FHDC1: variants seen among roughly 807,000 people sequenced by gnomAD.
FHDC1 encodes the protein FH2 domain-containing protein 1.
In FHDC1, 25 loss-of-function variants were observed where a neutral mutation model predicts 52.6. That is an observed-to-expected ratio of 0.48 (90% CI 0.35 to 0.66). FHDC1 has a LOEUF of 0.66. Among genes scored for constraint, FHDC1 ranks in the 30% least tolerant of loss-of-function variants. The pLI, the probability that FHDC1 is intolerant of heterozygous loss-of-function variation, is 0.01. For missense variants in FHDC1, 1,459 were observed against 1,452.8 expected (o/e 1.00, Z -0.07); for synonymous variants, 616 against 581.5 (o/e 1.06, Z -0.85).
chr4:152,940,177 G>A (rs902510747), intron 1 of FHDC1, among the ~76,000 whole-genome samples: 3 of 152,172 alleles, frequency 2.0e-5, no homozygotes, highest in Non-Finnish European at 4.4e-5. Context: ...GGACATCCTG[G>A]CCCAGGGGGA....
chr4:152,968,216 C>T (rs1207272112), intron 10 of FHDC1, 119 bp downstream of exon 10: 3 of 688,026 alleles, frequency 4.4e-6, no homozygotes, highest in Non-Finnish European at 7.5e-6. Flanking sequence ...TTTTTTTTCT[C>T]CAAGTTAGTC....
chr4:152,970,077 G>A (rs1004085793), intron 10 of FHDC1, among the ~76,000 whole-genome samples: 5 of 152,156 alleles, frequency 3.3e-5, no homozygotes, highest in Admixed American at 6.5e-5. Context: ...GTCAGGGTCA[G>A]GGCACTCAGG....
rs34181980 is a variant in FHDC1, at chr4:152,962,940, GGTGTGTGTGTGTGTGTGTGTGTGT to G, written c.922-64_922-41del. On this transcript the variant is annotated intron_variant, in intron 7 of 11. Transcript: ENST00000511601. ...ATGTTTTCAACCTTGTCTATCTAAA[GGTGTGTGTGTGTGTGTGTGTGTGT>G]GTGTGTGTGTGTGTGTGTATGTATA... 6.4e-6 allele frequency: 6 copies of G among 936,470 alleles called. No individual in the cohort carries two copies. In the East Asian group the frequency reaches 1.5e-4, roughly 24 times the overall value. The allele number at this position is 936,470 out of a possible 1,614,324, so 58.0% of individuals were successfully genotyped here. A position where few individuals can be genotyped will look rare whatever the true frequency, so the allele number is the denominator to read the frequency against.
the FHDC1 span, among the ~76,000 whole-genome samples, chr4:152,922,494 C>G: frequency 2.6e-5 from 4 of 151,462 alleles, no homozygotes; most frequent in African/African-American, 9.7e-5. Flanking sequence ...GGAATCCTCC[C>G]TAACTCATTT....
the FHDC1 span, among the ~76,000 whole-genome samples, chr4:152,926,267 G>GACACACACACACACACACACAC: frequency 1.4e-5 from 2 of 144,440 alleles, no homozygotes; most frequent in Admixed American, 6.9e-5. Context: ...TTAAAATACA[G>GACACACACACACACACACACAC]ACACACACAC....
chr4:152,932,408 A>G (rs1739269551), upstream of FHDC1, among the ~76,000 whole-genome samples: 1 of 151,968 alleles, frequency 6.6e-6, no homozygotes, highest in Non-Finnish European at 1.5e-5. Context: ...TCTCAAAAAA[A>G]AAAAAAGTTA....
At chr4:152,948,557 GTTC>G (rs1739807095) in intron 2 of FHDC1, among the ~76,000 whole-genome samples, 1 of 152,096 alleles carries the variant, frequency 6.6e-6, no homozygotes, top group Non-Finnish European at 1.5e-5. Flanking sequence ...GGTTCAAGCA[GTTC>G]TTCTGTCTCA....
the FHDC1 span, among the ~76,000 whole-genome samples, chr4:152,920,684 A>G: frequency 2.0e-5 from 3 of 152,202 alleles, no homozygotes; most frequent in African/African-American, 7.2e-5. Context: ...TAGAGTTATC[A>G]TTTTAAGCCT....
chr4:152,922,152 C>T, the FHDC1 span, among the ~76,000 whole-genome samples: 1 of 152,060 alleles, frequency 6.6e-6, no homozygotes, highest in Non-Finnish European at 1.5e-5. Context: ...CAAATAGACA[C>T]AATAAAAAAT....
chr4:152,960,497 A>G, intron 4 of FHDC1, 68 bp from the exon 5 acceptor site: 6 of 1,298,502 alleles, frequency 4.6e-6, no homozygotes, highest in Non-Finnish European at 6.6e-6. Context: ...TGGAAGATGA[A>G]ATTTAAATAA....
chr4:152,935,608 T>C (rs568394388), upstream of FHDC1, among the ~76,000 whole-genome samples: 1 of 152,160 alleles, frequency 6.6e-6, no homozygotes, highest in East Asian at 1.9e-4. Flanking sequence ...TCTGTTACCA[T>C]CATCATTGAG....
At chr4:152,972,346 C>T (rs369719707) in intron 10 of FHDC1, 31 bp from the exon 11 acceptor site, 307 of 1,578,444 alleles carry the variant, frequency 1.9e-4, no homozygotes, top group Non-Finnish European at 2.6e-4. Context: ...ACAACGTTTA[C>T]CTCAGTGTGT....
In FHDC1 at chr4:152,960,606, G is replaced by A. The variant is rs758411160; in HGVS notation, c.705G>A (p.Leu235=). The A allele has an allele frequency of 1.2e-6, 2 of 1,614,054 alleles. No homozygotes were observed. Among genetic ancestry groups the A allele is most frequent in the Admixed American group, 1.7e-5 (1 of 60,012 alleles). ...CGTTTAGTGGCGACGTGTCGAAGCT[G>A]TCTCTGGCAGATTCCTTTCTGTATG... The part of the protein sequence containing the change: ...LKAFSGDVSK[L]SLADSFLYGL... The change falls in exon 5 of 12, where the codon CTG becomes CTA. Residue 235 remains leucine, a synonymous_variant. Coordinates refer to ENST00000511601, the MANE Select transcript of FHDC1 (RefSeq NM_001371116.1).
chr4:152,961,316 C>T (rs1740274228), intron 6 of FHDC1, among the ~76,000 whole-genome samples: 1 of 152,206 alleles, frequency 6.6e-6, no homozygotes, highest in Non-Finnish European at 1.5e-5. Flanking sequence ...GACTCTTCTG[C>T]CAGGGTTCCT....
chr4:152,963,769 G>GTTT lies in FHDC1; in HGVS notation c.1029+671_1029+673dup, dbSNP rs58783965. Among the ~76,000 whole-genome samples, 205 of 51,788 alleles carry GTTT rather than the reference G, an allele frequency of 4.0e-3. 27 individuals are homozygous for GTTT. The highest frequency in any genetic ancestry group is 5.0e-3 in the African/African-American group (77 of 15,436). The allele number at this position is 51,788 out of a possible 152,430, so 34.0% of individuals were successfully genotyped here. On this transcript the variant is annotated intron_variant, in intron 8 of 11. Coordinates refer to ENST00000511601, the MANE Select transcript of FHDC1 (RefSeq NM_001371116.1). The stretch of plus-strand genomic sequence containing the variant: ...GGAGTCTGATCCTATCCATTGCTTT[G>GTTT]TTTTTTTTTTTTTTTTTTTTTTTTT...
intron 1 of FHDC1, among the ~76,000 whole-genome samples, chr4:152,942,337 G>A (rs1579080834): frequency 6.6e-6 from 1 of 152,202 alleles, no homozygotes; most frequent in African/African-American, 2.4e-5. Context: ...CATATCTGCT[G>A]TTCTTTTCTC....
Position 152,977,182 on chromosome 4 carries a change from A to G in FHDC1, c.*459A>G, listed in dbSNP as rs113326840. Reference sequence around the variant, plus strand: ...TAAGATGAGTGGATTGCTTGAGCCTAGGAGTTCGAGACCAGCCTAGGCAAC... The same window carrying G: ...TAAGATGAGTGGATTGCTTGAGCCTGGGAGTTCGAGACCAGCCTAGGCAAC... On this transcript the variant is annotated 3_prime_UTR_variant, in exon 12 of 12. Coordinates refer to ENST00000511601, the MANE Select transcript of FHDC1 (RefSeq NM_001371116.1). 0.14 allele frequency: 22,011 copies of G among 152,542 alleles called. 2,023 individuals are homozygous for G. Among genetic ancestry groups the G allele is most frequent in the East Asian group, 0.37 (1,892 of 5,150 alleles). The allele number at this position is 152,542 out of a possible 1,614,324, so 9.4% of individuals were successfully genotyped here. A position where few individuals can be genotyped will look rare whatever the true frequency, so the allele number is the denominator to read the frequency against.
intron 4 of FHDC1, among the ~76,000 whole-genome samples, chr4:152,958,626 A>G (rs1383061524): frequency 6.6e-6 from 1 of 152,212 alleles, no homozygotes; most frequent in Non-Finnish European, 1.5e-5. Flanking sequence ...TAGACTGAAA[A>G]CCATGCTGTG....
rs997532626 is a variant in FHDC1, at chr4:152,972,120, A to G, written c.1219-257A>G. Among the ~76,000 whole-genome samples the G allele has an allele frequency of 2.0e-5, 3 of 152,206 alleles. No individual in the cohort carries two copies. In the South Asian group the frequency reaches 6.2e-4, roughly 31 times the overall value. ...GAACATTTTGTTAGTGACGTTCTGC[A>G]GGTTAAAGTTCTTAAATCTATCTTG... On this transcript the variant is annotated intron_variant, in intron 10 of 11. Coordinates refer to ENST00000511601, the MANE Select transcript of FHDC1 (RefSeq NM_001371116.1).
Sources: allele counts gnomAD v4.1 joint callset (sites outside exome capture counted in the v4.1 genomes callset), GRCh38; gene constraint gnomAD v4.1.1; transcripts MANE v1.5; gene names NCBI Gene and HGNC (gene_info 2026-07-23, HGNC 2026-07-21).